MAGI2: variants seen among roughly 807,000 people sequenced by gnomAD.
The protein encoded by MAGI2 is membrane associated guanylate kinase, WW and PDZ domain containing 2, also known as membrane-associated guanylate kinase, WW and PDZ domain-containing protein 2.
In MAGI2, 35 loss-of-function variants were observed where a neutral mutation model predicts 133.3. The observed-to-expected ratio is 0.26, with a 90% CI of 0.20 to 0.35. The LOEUF (loss-of-function observed/expected upper bound fraction) is 0.35, where lower values mean the gene tolerates loss of function less well. Among genes scored for constraint, MAGI2 ranks in the 10% least tolerant of loss-of-function variants. The pLI, the probability that MAGI2 is intolerant of heterozygous loss-of-function variation, is 1.00. For missense variants in MAGI2, 1,636 were observed against 1,863.4 expected, an observed-to-expected ratio of 0.88 and a Z score of 2.25; for synonymous variants, 729 against 710.6, an observed-to-expected ratio of 1.03 and a Z score of -0.41.
chr7:78,377,770 AC>A (rs1194893890), intron 6 of MAGI2, among the ~76,000 whole-genome samples: 2 of 151,680 alleles, frequency 1.3e-5, no homozygotes, highest in Non-Finnish European at 1.5e-5. Context: ...CAAGTCCTTT[AC>A]TTTTGCTTAC....
At chr7:78,028,713 G>A (rs1179345488) in intron 21 of MAGI2, among the ~76,000 whole-genome samples, 1 of 151,940 alleles carries the variant, frequency 6.6e-6, no homozygotes. Context: ...AAATTAGCTG[G>A]GCATGGTGGC....
intron 1 of MAGI2, among the ~76,000 whole-genome samples, chr7:79,069,748 G>T (rs1475885890): frequency 6.6e-6 from 1 of 152,146 alleles, no homozygotes; most frequent in Non-Finnish European, 1.5e-5. Context: ...GCTACTGCTT[G>T]TTCCTTTCGA....
chr7:78,322,431 T>TA (rs1274199578), intron 9 of MAGI2, among the ~76,000 whole-genome samples: 1 of 152,122 alleles, frequency 6.6e-6, no homozygotes, highest in Admixed American at 6.5e-5. Context: ...TATGCAGCCA[T>TA]AAAAAAGGAT....
chr7:78,702,490 A>G (rs1384181345), intron 2 of MAGI2, among the ~76,000 whole-genome samples: 1 of 152,010 alleles, frequency 6.6e-6, no homozygotes, highest in African/African-American at 2.4e-5. Flanking sequence ...AATGAGGATA[A>G]TACTAGCACC....
chr7:79,171,195 C>T (rs1355181936), intron 1 of MAGI2, among the ~76,000 whole-genome samples: 1 of 152,050 alleles, frequency 6.6e-6, no homozygotes. Context: ...GCAGGATTAT[C>T]CTCTTCTGAA....
intron 1 of MAGI2, among the ~76,000 whole-genome samples, chr7:79,019,069 C>G (rs1809024966): frequency 6.6e-6 from 1 of 152,130 alleles, no homozygotes; most frequent in South Asian, 2.1e-4. Flanking sequence ...AATTCTCCAC[C>G]ACAAAAGAAC....
intron 1 of MAGI2, among the ~76,000 whole-genome samples, chr7:79,021,566 C>T (rs1458842760): frequency 1.3e-5 from 2 of 152,180 alleles, no homozygotes; most frequent in Non-Finnish European, 2.9e-5. Context: ...GGGCCGGTAG[C>T]CCTTGTTTAG....
At chr7:78,926,782 G>A (rs1336426722) in intron 2 of MAGI2, among the ~76,000 whole-genome samples, 1 of 151,532 alleles carries the variant, frequency 6.6e-6, no homozygotes, top group Admixed American at 6.6e-5. Context: ...GTCTCCTTTT[G>A]TAATTTAAAC....
intron 6 of MAGI2, among the ~76,000 whole-genome samples, chr7:78,408,409 G>T (rs763225968): frequency 1.3e-5 from 2 of 151,994 alleles, no homozygotes; most frequent in Non-Finnish European, 2.9e-5. Context: ...TCACTGTATA[G>T]TGAATTGGGG....
chr7:78,053,454 G>C (rs753691147), intron 21 of MAGI2, among the ~76,000 whole-genome samples: 2 of 152,212 alleles, frequency 1.3e-5, no homozygotes, highest in African/African-American at 4.8e-5. Context: ...TGGCCCCAAG[G>C]GGGTGAGGAC....
intron 1 of MAGI2, among the ~76,000 whole-genome samples, chr7:79,251,151 A>G (rs4730734): frequency 0.84 from 128,449 of 152,118 alleles, 54,328 homozygotes; most frequent in African/African-American, 0.86. Flanking sequence ...AAACATTGGG[A>G]AAACTCTCCA....
chr7:78,271,122 A>G (rs1794529353), intron 9 of MAGI2, among the ~76,000 whole-genome samples: 1 of 152,058 alleles, frequency 6.6e-6, no homozygotes, highest in Non-Finnish European at 1.5e-5. Context: ...AATAGCTCTT[A>G]TTATTTTGAG....
Position 79,453,629 on chromosome 7 carries a change from C to G in MAGI2, c.-309G>C. ...GTGGCGTCGGCGGCGGCGGCGGCGG[C>G]AGCCGGAGCGAGCAGTAGCCGAGCT... On this transcript the variant is annotated 5_prime_UTR_variant, in exon 1 of 22. Transcript: ENST00000354212. The G allele has an allele frequency of 3.1e-6, 3 of 974,338 alleles. No individual in the cohort carries two copies. The highest frequency in any genetic ancestry group is 3.8e-6 in the Non-Finnish European group (3 of 794,590). 60.4% of individuals were successfully genotyped at this position (974,338 alleles called of 1,614,324 possible). A position where few individuals can be genotyped will look rare whatever the true frequency, so the allele number is the denominator to read the frequency against.
intron 9 of MAGI2, among the ~76,000 whole-genome samples, chr7:78,323,230 T>C (rs1788202366): frequency 6.6e-6 from 1 of 152,200 alleles, no homozygotes; most frequent in Non-Finnish European, 1.5e-5. Context: ...CAGACTATAA[T>C]GCAATGTCTT....
chr7:79,082,077 T>C (rs80065405), intron 1 of MAGI2, among the ~76,000 whole-genome samples: 6,896 of 152,172 alleles, frequency 0.045, 247 homozygotes, highest in African/African-American at 0.089. Context: ...CATGTCTTTT[T>C]ATTGTTGAGT....
intron 6 of MAGI2, among the ~76,000 whole-genome samples, chr7:78,390,635 G>T (rs777885887): frequency 6.6e-6 from 1 of 150,994 alleles, no homozygotes; most frequent in Non-Finnish European, 1.5e-5. Context: ...ATTCTTACTG[G>T]TGGGGGTGGG....
At chr7:78,095,417 C>T (rs567511364) in intron 20 of MAGI2, among the ~76,000 whole-genome samples, 1 of 152,276 alleles carries the variant, frequency 6.6e-6, no homozygotes, top group South Asian at 2.1e-4. Flanking sequence ...CCCAAATCAC[C>T]TTTTGTAGTG....
intron 1 of MAGI2, among the ~76,000 whole-genome samples, chr7:79,084,309 A>C (rs921216261): frequency 6.6e-6 from 1 of 151,634 alleles, no homozygotes; most frequent in Admixed American, 6.6e-5. Context: ...TCTATTCACC[A>C]CTTTAGCTGA....
At chr7:78,444,004 T>G (rs370500960) in intron 6 of MAGI2, among the ~76,000 whole-genome samples, 2 of 151,984 alleles carry the variant, frequency 1.3e-5, no homozygotes, top group South Asian at 4.2e-4. Flanking sequence ...GCCACTAGAG[T>G]GTAGACTCTC....
Sources: gnomAD v4.1 joint callset for allele counts (sites outside exome capture counted in the v4.1 genomes callset) on GRCh38, gnomAD v4.1.1 for gene constraint, MANE v1.5 for transcripts, NCBI Gene and HGNC (gene_info 2026-07-23, HGNC 2026-07-21) for gene names.